ODF2L: variants seen among roughly 807,000 people sequenced by gnomAD.
The protein encoded by ODF2L is protein BCAP.
In ODF2L, 76 loss-of-function variants were observed where a neutral mutation model predicts 86.3. The observed-to-expected ratio is 0.88, with a 90% CI of 0.73 to 1.07. The LOEUF (loss-of-function observed/expected upper bound fraction) is 1.07. ODF2L is among the 50% of genes least tolerant of loss of function. The pLI, the probability that ODF2L is intolerant of heterozygous loss-of-function variation, is 0.00. For synonymous variants in ODF2L, 241 were observed against 231.3 expected (o/e 1.04, Z -0.38); for missense variants, 748 against 717.4 (o/e 1.04, Z -0.49).
Position 86,358,955 on chromosome 1 carries a change from A to G in ODF2L, c.1255-64T>C. 5.2e-6 allele frequency: 4 copies of G among 772,234 alleles called. No homozygotes were observed. The Middle Eastern group carries it at 8.9e-4, about 172-fold the overall frequency. The allele number at this position is 772,234 out of a possible 1,614,324, so 47.8% of individuals were successfully genotyped here. On this transcript the variant is annotated intron_variant, in intron 12 of 17. Coordinates refer to ENST00000317336, the Ensembl canonical transcript of ODF2L. ...ATCATAACATGAGATAAAAATCTAA[A>G]ATTTAAAATTTCATTTTAAACAAGT...
Position 86,354,844 on chromosome 1 carries a change from T to C in ODF2L, c.1534A>G (p.Asn512Asp), listed in dbSNP as rs564536014. The C allele has an allele frequency of 3.1e-6, 5 of 1,600,510 alleles. No individual in the cohort carries two copies. The East Asian group carries it at 8.9e-5, about 29-fold the overall frequency. The stretch of plus-strand genomic sequence containing the variant: ...TCCAGAGAAAGCTTTGTCAGAAGAT[T>C]GTGATTTCCATCAACCTAAAAGAAA... The change falls in exon 15 of 18, where the codon AAT (asparagine) becomes GAT (aspartate). Residue 512 changes from asparagine (N) to aspartate (D), a missense_variant. Coordinates refer to ENST00000317336, the Ensembl canonical transcript of ODF2L.
In ODF2L at chr1:86,356,614, C is replaced by A; in HGVS notation, c.1360-12G>T. 2 of 1,607,650 alleles carry A rather than the reference C, an allele frequency of 1.2e-6. No individual in the cohort carries two copies. Among genetic ancestry groups the A allele is most frequent in the South Asian group, 1.1e-5 (1 of 90,182 alleles). On this transcript the variant is annotated splice_polypyrimidine_tract_variant and intron_variant, in intron 13 of 17. Transcript: ENST00000317336. ...ATCTGGCCTCTCATCTGAGTTGTGG[C>A]AGTAGGGAAATAAGTGCAAGATCAC...
intron 13 of ODF2L, chr1:86,358,000 A>G (rs1254010963): frequency 5.1e-6 from 5 of 985,280 alleles, no homozygotes; most frequent in Non-Finnish European, 6.0e-6. Context: ...CCATGAAAGC[A>G]GTAAGTTGTG....
chr1:86,372,636 T>G (rs557751653), intron 8 of ODF2L, 96 bp from the exon 9 acceptor site: 16 of 618,444 alleles, frequency 2.6e-5, no homozygotes, highest in Non-Finnish European at 3.7e-5. Context: ...AGGGAAGCAA[T>G]CTTCCAAAAA....
At chr1:86,383,718 A>G (rs1189624013) in intron 4 of ODF2L, among the ~76,000 whole-genome samples, 3 of 151,774 alleles carry the variant, frequency 2.0e-5, no homozygotes, top group Non-Finnish European at 4.4e-5. Context: ...AACCACATAT[A>G]TATGTACATA....
intron 2 of ODF2L, chr1:86,386,217 C>T (rs1660943678): frequency 6.6e-6 from 1 of 152,136 alleles, no homozygotes; most frequent in Non-Finnish European, 1.5e-5. Context: ...GTGTATTCCC[C>T]ACTCTAAAGA....
At chr1:86,395,821 AGAGT>A (rs1661698791) in intron 1 of ODF2L, 1 of 152,282 alleles carries the variant, frequency 6.6e-6, no homozygotes, top group Non-Finnish European at 1.5e-5. Flanking sequence ...ACCCTTCCTA[AGAGT>A]GAGTCTCGCC....
chr1:86,366,980 AG>A (rs1249671332), intron 11 of ODF2L, among the ~76,000 whole-genome samples: 1 of 152,156 alleles, frequency 6.6e-6, no homozygotes, highest in Non-Finnish European at 1.5e-5. Context: ...TGGATTTACA[AG>A]GTCTACAAAG....
exon 16 of ODF2L, chr1:86,354,582 T>C: frequency 6.2e-7 from 1 of 1,610,154 alleles, no homozygotes; most frequent in Non-Finnish European, 8.5e-7. Flanking sequence ...CAATGCTGTA[T>C]ACTCTGCAGA....
At position 86,374,440 on chromosome 1, in the gene ODF2L, G is replaced by A. The variant is rs568013984; in HGVS notation, c.810+1793C>T. On this transcript the variant is annotated intron_variant, in intron 8 of 17. Transcript: ENST00000317336. ...AATCACCTTCCTAGAGATTTTTTGA[G>A]TTGGCCTACCTTTTCTCTTTGCTTT... 9.2e-5 allele frequency among the ~76,000 whole-genome samples: 14 copies of A among 152,132 alleles called. No individual in the cohort carries two copies. The South Asian group carries it at 2.7e-3, about 29-fold the overall frequency.
chr1:86,360,232 T>C (rs185002002), intron 12 of ODF2L, among the ~76,000 whole-genome samples, 194 bp downstream of exon 11: 1 of 152,314 alleles, frequency 6.6e-6, no homozygotes, highest in East Asian at 1.9e-4. Flanking sequence ...ATATGCAGTG[T>C]TTGAATCAGG....
intron 1 of ODF2L, among the ~76,000 whole-genome samples, chr1:86,395,090 G>A (rs564222775): frequency 2.7e-4 from 41 of 152,166 alleles, no homozygotes; most frequent in Non-Finnish European, 3.7e-4. Context: ...TGATCCGCCC[G>A]CCTCGGCCTC....
intron 17 of ODF2L, chr1:86,352,255 A>G: frequency 6.9e-7 from 1 of 1,442,372 alleles, no homozygotes; most frequent in South Asian, 1.5e-5. Flanking sequence ...TATCTAGTAG[A>G]CAGTTATTAC....
exon 3 of ODF2L, chr1:86,385,512 T>C (rs144168388): frequency 8.0e-5 from 128 of 1,604,422 alleles, no homozygotes; most frequent in Non-Finnish European, 1.0e-4. Context: ...AAAGCAATTC[T>C]ACAGAATGAG....
chr1:86,370,812 T>C (rs558102689), intron 10 of ODF2L, among the ~76,000 whole-genome samples: 2 of 152,304 alleles, frequency 1.3e-5, no homozygotes, highest in African/African-American at 2.4e-5. Context: ...AAATGCATAG[T>C]AGTTTATTTT....
At chr1:86,358,158 C>T (rs936850330) in intron 13 of ODF2L, 25 of 842,338 alleles carry the variant, frequency 3.0e-5, no homozygotes, top group African/African-American at 2.9e-4. Context: ...CAGATGGAAG[C>T]GACCACTAAC....
exon 8 of ODF2L, chr1:86,376,236 A>T: frequency 6.3e-7 from 1 of 1,592,724 alleles, no homozygotes; most frequent in Non-Finnish European, 8.6e-7. Context: ...TACATACCTG[A>T]TCTCTAATTT....
rs71643841 is a variant in ODF2L at position 86,366,391 on chromosome 1, TACACACACACACAC to T, written c.1143+2231_1143+2244del. Reference sequence around the variant, plus strand: ...CTAGGCAGCATAGTGAGACCCCACCTACACACACACACACACACACACACACACACACACACACA... The same window carrying T: ...CTAGGCAGCATAGTGAGACCCCACCTACACACACACACACACACACACACA... On this transcript the variant is annotated intron_variant, in intron 11 of 17. Coordinates refer to ENST00000317336, the Ensembl canonical transcript of ODF2L. Among the ~76,000 whole-genome samples the T allele has an allele frequency of 2.2e-4, 26 of 119,366 alleles. No homozygotes were observed. In the South Asian group the frequency reaches 5.7e-3, roughly 26 times the overall value. The allele number at this position is 119,366 out of a possible 152,430, so 78.3% of individuals were successfully genotyped here. A position where few individuals can be genotyped will look rare whatever the true frequency, so the allele number is the denominator to read the frequency against.
At chr1:86,353,083 C>CT in intron 16 of ODF2L, 99 bp from the exon 16 acceptor site, 2 of 750,260 alleles carry the variant, frequency 2.7e-6, no homozygotes, top group Non-Finnish European at 4.4e-6. Flanking sequence ...ACAGATATTA[C>CT]TTGTATGTTA....
Sources: allele counts gnomAD v4.1 joint callset (sites outside exome capture counted in the v4.1 genomes callset), GRCh38; gene constraint gnomAD v4.1.1; transcripts MANE v1.5; gene names NCBI Gene and HGNC (gene_info 2026-07-23, HGNC 2026-07-21).